Variants in RBFOX1 observed in about 807,000 individuals in gnomAD.
The protein encoded by RBFOX1 is RNA binding protein fox-1 homolog 1.
A neutral mutation model predicts 57.7 loss-of-function variants in RBFOX1; 8 were observed. The observed-to-expected ratio is 0.14, with a 90% CI of 0.08 to 0.25. The LOEUF is 0.25. RBFOX1 is among the 10% of genes least tolerant of loss of function. The pLI, the probability that RBFOX1 is intolerant of heterozygous loss-of-function variation, is 1.00. For synonymous variants in RBFOX1, 326 were observed against 222.4 expected, an observed-to-expected ratio of 1.47 and a Z score of -4.15; for missense variants, 611 against 548.5, an observed-to-expected ratio of 1.11 and a Z score of -1.14.
At chr16:7,291,772 G>T (rs1484127028) in intron 4 of RBFOX1, among the ~76,000 whole-genome samples, 1 of 151,456 alleles carries the variant, frequency 6.6e-6, no homozygotes, top group Admixed American at 6.6e-5. Context: ...ATGCGATAAG[G>T]ATTTGTCTGT....
intron 5 of RBFOX1, among the ~76,000 whole-genome samples, chr16:7,575,906 A>G (rs1342012152): frequency 6.6e-6 from 1 of 151,900 alleles, no homozygotes; most frequent in African/African-American, 2.4e-5. Flanking sequence ...CCTTCCCACT[A>G]TCCTGTGAGC....
At chr16:7,021,292 T>TTC (rs1027890601) in intron 3 of RBFOX1, among the ~76,000 whole-genome samples, 20 of 148,098 alleles carry the variant, frequency 1.4e-4, no homozygotes, top group African/African-American at 4.3e-4. Context: ...TCATTTTATT[T>TTC]TCTCTCTCTC....
At chr16:6,868,060 T>C (rs755560795) in intron 3 of RBFOX1, among the ~76,000 whole-genome samples, 9 of 152,176 alleles carry the variant, frequency 5.9e-5, no homozygotes, top group Non-Finnish European at 1.3e-4. Context: ...ATAGTAATGT[T>C]TTTGCCGTAT....
intron 3 of RBFOX1, among the ~76,000 whole-genome samples, chr16:5,826,165 T>G (rs2151815642): frequency 6.7e-6 from 1 of 148,688 alleles, no homozygotes; most frequent in East Asian, 2.0e-4. Flanking sequence ...TATAACATAT[T>G]ATTCTTATAT....
chr16:7,377,872 C>G (rs2097713083), intron 4 of RBFOX1, among the ~76,000 whole-genome samples: 1 of 152,122 alleles, frequency 6.6e-6, no homozygotes, highest in Non-Finnish European at 1.5e-5. Context: ...GATGAAATAG[C>G]AAATAGGAGA....
chr16:5,892,709 T>C (rs923825609), intron 4 of RBFOX1, among the ~76,000 whole-genome samples: 1 of 152,212 alleles, frequency 6.6e-6, no homozygotes, highest in African/African-American at 2.4e-5. Context: ...AGTCAAGATA[T>C]GCAGCACTCT....
intron 11 of RBFOX1, among the ~76,000 whole-genome samples, chr16:7,635,286 C>T (rs375780879): frequency 6.6e-5 from 10 of 152,278 alleles, no homozygotes; most frequent in African/African-American, 1.7e-4. Flanking sequence ...AGCCAGCTAC[C>T]GCAGATCCTT....
rs74463202 is a variant in RBFOX1, at chr16:5,684,150, A to C, written c.318+85189A>C. Among the ~76,000 whole-genome samples the C allele has an allele frequency of 0.012, 1,873 of 152,280 alleles. 100 individuals carry two copies. The East Asian group carries it at 0.16, about 13-fold the overall frequency. On this transcript the variant is annotated intron_variant, in intron 3 of 19. Transcript: ENST00000641259. ...TGAGCTCTTGGCTCAAGCTAAGGCC[A>C]TCTCATCCTATATCTAAAAAGGATA...
intron 1 of RBFOX1, among the ~76,000 whole-genome samples, chr16:6,185,656 A>T (rs2097100600): frequency 6.6e-6 from 1 of 152,136 alleles, no homozygotes. Flanking sequence ...AGAATATAAT[A>T]TTTCACCCCT....
At chr16:6,172,832 A>T (rs1157839588) in intron 1 of RBFOX1, among the ~76,000 whole-genome samples, 1 of 152,154 alleles carries the variant, frequency 6.6e-6, no homozygotes, top group Admixed American at 6.6e-5. Flanking sequence ...ACAACAACAC[A>T]GATTTATTCT....
chr16:5,458,630 C>T (rs1251277306), intron 1 of RBFOX1, among the ~76,000 whole-genome samples: 1 of 152,260 alleles, frequency 6.6e-6, no homozygotes, highest in Non-Finnish European at 1.5e-5. Flanking sequence ...CTATGACCCT[C>T]TACTGCTCTT....
rs80257658 is a variant in RBFOX1, at chr16:7,008,060, A to T, written c.-15-43997A>T. On this transcript the variant is annotated intron_variant, in intron 3 of 15. Transcript: ENST00000550418. ...CATTATCTATATTCAGTTGAGAGCA[A>T]ACTTGGATCCAGTTTTCAGCCACAG... is the stretch of plus-strand genomic sequence containing the variant. Among the ~76,000 whole-genome samples, 201 of 152,268 alleles carry T rather than the reference A, an allele frequency of 1.3e-3. 5 individuals are homozygous for T. The East Asian group carries it at 0.036, about 27-fold the overall frequency.
rs367714259 is a variant in RBFOX1, at chr16:5,442,567, C to T, written c.220-24649C>T. Among the ~76,000 whole-genome samples, 17 of 152,250 alleles carry T rather than the reference C, an allele frequency of 1.1e-4. No homozygotes were observed. The East Asian group carries it at 2.9e-3, about 26-fold the overall frequency. ...AGTGGGGAGAGAAAAACCAAATCCC[C>T]GAGGGAAGGGAGGACAGCCATGTTT... On this transcript the variant is annotated intron_variant, in intron 1 of 2. Transcript: ENST00000585867.
intron 3 of RBFOX1, among the ~76,000 whole-genome samples, chr16:5,849,052 T>C (rs1447725664): frequency 6.6e-6 from 1 of 151,568 alleles, no homozygotes; most frequent in Non-Finnish European, 1.5e-5. Flanking sequence ...TATGCAAGAA[T>C]GGGAGAGTAG....
chr16:6,517,978 C>T (rs549735155), intron 2 of RBFOX1, among the ~76,000 whole-genome samples: 3 of 152,124 alleles, frequency 2.0e-5, no homozygotes, highest in Non-Finnish European at 4.4e-5. Context: ...ATTTTGGAGA[C>T]ATGAGACCCA....
intron 4 of RBFOX1, among the ~76,000 whole-genome samples, chr16:7,389,852 C>T (rs139970919): frequency 5.3e-5 from 8 of 152,196 alleles, no homozygotes; most frequent in South Asian, 2.1e-4. Flanking sequence ...CTGCAAAATC[C>T]ATGAGTCCAC....
intron 3 of RBFOX1, among the ~76,000 whole-genome samples, chr16:6,776,183 A>T (rs906658894): frequency 6.6e-6 from 1 of 152,164 alleles, no homozygotes; most frequent in Admixed American, 6.6e-5. Context: ...AGGCCAGTGC[A>T]GACAGATCAC....
chr16:6,895,014 G>A (rs528858316), intron 3 of RBFOX1, among the ~76,000 whole-genome samples: 2 of 152,256 alleles, frequency 1.3e-5, no homozygotes, highest in South Asian at 4.1e-4. Context: ...AACAACGTCA[G>A]TCTAGTTCAT....
At chr16:7,205,704 C>T (rs2089818763) in intron 4 of RBFOX1, among the ~76,000 whole-genome samples, 1 of 152,184 alleles carries the variant, frequency 6.6e-6, no homozygotes, top group African/African-American at 2.4e-5. Flanking sequence ...GGTCCACCAT[C>T]TGCAGTCTTT....
Sources: allele counts gnomAD v4.1 joint callset (sites outside exome capture counted in the v4.1 genomes callset), GRCh38; gene constraint gnomAD v4.1.1; transcripts MANE v1.5; gene names NCBI Gene and HGNC (gene_info 2026-07-23, HGNC 2026-07-21).